The following GTF2E1 variants were observed in gnomAD, a reference collection of about 807,000 sequenced individuals.
GTF2E1 encodes general transcription factor IIE subunit 1.
Under a neutral mutation model 34.9 loss-of-function variants are expected in GTF2E1, and 14 were observed. The observed-to-expected ratio is 0.40, with a 90% CI of 0.27 to 0.63. The LOEUF is 0.63. Ranked by LOEUF, GTF2E1 falls within the 20% of genes least tolerant of loss-of-function variation. The probability of loss-of-function intolerance (pLI) is 0.39; values close to 1 mark genes in which losing one functional copy is unlikely to be tolerated. For synonymous variants in GTF2E1, 188 were observed against 192.9 expected, an observed-to-expected ratio of 0.97 and a Z score of 0.21; for missense variants, 469 against 557.7, an observed-to-expected ratio of 0.84 and a Z score of 1.60.
rs115789072 is a variant in GTF2E1, at chr3:120,753,460, G to A, written c.448+2460G>A. On this transcript the variant is annotated intron_variant, in intron 2 of 4. Coordinates refer to ENST00000283875, the MANE Select transcript of GTF2E1 (RefSeq NM_005513.3). Reference sequence around the variant, plus strand: ...GATCAAGTGATGGAAGTATTTAATGGCCTTCTACCTCCATTTCTTTTCAAT... The same window carrying A: ...GATCAAGTGATGGAAGTATTTAATGACCTTCTACCTCCATTTCTTTTCAAT... 5.9e-3 allele frequency among the ~76,000 whole-genome samples: 896 copies of A among 152,172 alleles called. 12 individuals are homozygous for A. The highest frequency in any genetic ancestry group is 0.021 in the African/African-American group (854 of 41,514).
chr3:120,763,651 G>C (rs1709283594), intron 2 of GTF2E1, among the ~76,000 whole-genome samples: 1 of 152,136 alleles, frequency 6.6e-6, no homozygotes. Flanking sequence ...GAAGCTTTTT[G>C]AGTGAAGGGG....
At chr3:120,775,781 T>C (rs569190769) in intron 3 of GTF2E1, among the ~76,000 whole-genome samples, 1 of 152,310 alleles carries the variant, frequency 6.6e-6, no homozygotes, top group South Asian at 2.1e-4. Context: ...TGGTTGGAGA[T>C]GGATACAGAG....
chr3:120,781,827 TG>T lies in GTF2E1; in HGVS notation c.*358del, dbSNP rs1333276269. 3 of 169,862 alleles carry T rather than the reference TG, an allele frequency of 1.8e-5. No homozygotes were observed. The highest frequency in any genetic ancestry group is 4.8e-5 in the African/African-American group (2 of 41,392). The allele number at this position is 169,862 out of a possible 1,614,324, so 10.5% of individuals were successfully genotyped here. On this transcript the variant is annotated 3_prime_UTR_variant, in exon 5 of 5. Transcript: ENST00000283875. ...GCCTCCTGGGTTCAAGCGATTCTCC[TG>T]CCTCAGCCTCCCGAGTAGCTGGGAT...
At chr3:120,778,749 T>G (rs1353742967) in intron 4 of GTF2E1, among the ~76,000 whole-genome samples, 1 of 152,204 alleles carries the variant, frequency 6.6e-6, no homozygotes, top group African/African-American at 2.4e-5. Context: ...TCTGGAAGCA[T>G]GTTAAGACCA....
intron 2 of GTF2E1, among the ~76,000 whole-genome samples, chr3:120,757,821 T>C (rs543537946): frequency 7.9e-5 from 12 of 152,346 alleles, no homozygotes; most frequent in African/African-American, 2.9e-4. Context: ...GTTGAATGTT[T>C]TTGGAGAATT....
intron 2 of GTF2E1, among the ~76,000 whole-genome samples, chr3:120,769,363 G>A (rs780888674): frequency 8.5e-5 from 13 of 152,150 alleles, no homozygotes; most frequent in Non-Finnish European, 1.8e-4. Flanking sequence ...TGCAGCAAGG[G>A]AAGCCACATA....
intron 3 of GTF2E1, among the ~76,000 whole-genome samples, chr3:120,774,590 A>G (rs1709382820): frequency 6.6e-6 from 1 of 151,864 alleles, no homozygotes; most frequent in African/African-American, 2.4e-5. Context: ...TAGCAGAGAG[A>G]AACCAGTTAT....
intron 1 of GTF2E1, among the ~76,000 whole-genome samples, chr3:120,747,822 C>T (rs1709121468): frequency 6.6e-6 from 1 of 152,226 alleles, no homozygotes; most frequent in Non-Finnish European, 1.5e-5. Flanking sequence ...GGAATCGCCA[C>T]ACTGACTTCC....
intron 4 of GTF2E1, among the ~76,000 whole-genome samples, chr3:120,777,850 T>A (rs940509692): frequency 4.6e-5 from 7 of 152,164 alleles, no homozygotes; most frequent in African/African-American, 1.7e-4. Flanking sequence ...CTCAGCCTCC[T>A]GAGTAGCTGG....
intron 2 of GTF2E1, among the ~76,000 whole-genome samples, chr3:120,768,606 T>G (rs978323870): frequency 1.3e-5 from 2 of 152,222 alleles, no homozygotes; most frequent in Non-Finnish European, 2.9e-5. Flanking sequence ...ATTGACAGTC[T>G]CTGTAGGTGC....
intron 3 of GTF2E1, among the ~76,000 whole-genome samples, chr3:120,773,152 A>T (rs911292186): frequency 7.1e-6 from 1 of 141,584 alleles, no homozygotes; most frequent in Admixed American, 6.9e-5. Context: ...TGGTCAGGAA[A>T]AAAACCATTA....
chr3:120,772,597 A>G (rs1226722349), intron 3 of GTF2E1, among the ~76,000 whole-genome samples: 4 of 152,160 alleles, frequency 2.6e-5, no homozygotes, highest in Admixed American at 1.3e-4. Context: ...TTATGAGGGA[A>G]ATTGATTTTA....
At chr3:120,768,727 C>T (rs907785791) in intron 2 of GTF2E1, among the ~76,000 whole-genome samples, 49 of 152,034 alleles carry the variant, frequency 3.2e-4, no homozygotes, top group African/African-American at 1.1e-3. Flanking sequence ...ATTTTTAAGC[C>T]CCCACATGAT....
rs184741830 is a variant in GTF2E1, at chr3:120,750,262, A to G, written c.-30-261A>G. On this transcript the variant is annotated intron_variant, in intron 1 of 4. Transcript: ENST00000283875. ...TCTGAAGTAAAGTAGACTTGACGTA[A>G]TATATTGTTTTATAAATAAAAAGTT... Among the ~76,000 whole-genome samples the G allele has an allele frequency of 6.4e-3, 981 of 152,290 alleles. 19 individuals carry two copies. Among genetic ancestry groups the G allele is most frequent in the Non-Finnish European group, 4.4e-3 (296 of 68,028 alleles).
chr3:120,763,660 G>C (rs1709283673), intron 2 of GTF2E1, among the ~76,000 whole-genome samples: 1 of 152,036 alleles, frequency 6.6e-6, no homozygotes, highest in African/African-American at 2.4e-5. Flanking sequence ...TGAGTGAAGG[G>C]GAGTAAAAAA....
rs71133517 is a variant in GTF2E1 at position 120,781,715 on chromosome 3, CT to C, written c.*261del. The C allele has an allele frequency of 0.077, 17,109 of 223,578 alleles. 17 individuals are homozygous for C. Among genetic ancestry groups the C allele is most frequent in the South Asian group, 0.12 (1,659 of 13,836 alleles). 13.8% of individuals were successfully genotyped at this position (223,578 alleles called of 1,614,324 possible). A position where few individuals can be genotyped will look rare whatever the true frequency, so the allele number is the denominator to read the frequency against. ...TTAATATTTTACTGTATTTTCTTTT[CT>C]TTTTTTTTTTTTTTTGGAGATGAAG... On this transcript the variant is annotated 3_prime_UTR_variant, in exon 5 of 5. Transcript: ENST00000283875.
intron 2 of GTF2E1, among the ~76,000 whole-genome samples, chr3:120,759,154 T>C (rs149304692): frequency 0.011 from 1,728 of 152,340 alleles, 33 homozygotes; most frequent in African/African-American, 0.04. Context: ...TTGATTTGCA[T>C]TTCTCTGATG....
rs767805446 is a variant in GTF2E1, at chr3:120,776,408, A to T, written c.651-15A>T. On this transcript the variant is annotated splice_polypyrimidine_tract_variant and intron_variant, in intron 3 of 4. Transcript: ENST00000283875. The stretch of plus-strand genomic sequence containing the variant: ...ATTTTTCTTCTTCCTGTACTCCTCT[A>T]TTCTTTTTATATAGCAAGGACCATG... 6.2e-7 allele frequency: 1 copy of T among 1,605,928 alleles called. No homozygotes were observed. Among genetic ancestry groups the T allele is most frequent in the Non-Finnish European group, 8.5e-7 (1 of 1,177,566 alleles).
At chr3:120,771,730 C>T (rs566557747) in intron 3 of GTF2E1, among the ~76,000 whole-genome samples, 2 of 152,138 alleles carry the variant, frequency 1.3e-5, no homozygotes, top group Admixed American at 6.5e-5. Context: ...AATAGCCAGT[C>T]CTGAGTAAAT....
Sources: gnomAD v4.1 joint callset for allele counts (sites outside exome capture counted in the v4.1 genomes callset) on GRCh38, gnomAD v4.1.1 for gene constraint, MANE v1.5 for transcripts, NCBI Gene and HGNC (gene_info 2026-07-23, HGNC 2026-07-21) for gene names.